The following DCC variants were observed in gnomAD, a reference collection of about 807,000 sequenced individuals.
DCC encodes netrin receptor DCC.
DCC carries 58 observed loss-of-function variants against 172.5 expected under a neutral mutation model. That is an observed-to-expected ratio of 0.34 (90% CI 0.27 to 0.42). DCC has a LOEUF of 0.42. Ranked by LOEUF, DCC falls within the 10% of genes least tolerant of loss-of-function variation. The probability of loss-of-function intolerance (pLI) is 1.00; values close to 1 mark genes in which losing one functional copy is unlikely to be tolerated. For missense variants in DCC, 1,740 were observed against 1,791.0 expected, an observed-to-expected ratio of 0.97 and a Z score of 0.51; for synonymous variants, 709 against 644.5, an observed-to-expected ratio of 1.10 and a Z score of -1.52.
intron 2 of DCC, among the ~76,000 whole-genome samples, chr18:52,775,276 A>G (rs1363896798): frequency 1.3e-5 from 2 of 152,098 alleles, no homozygotes; most frequent in Non-Finnish European, 2.9e-5. Flanking sequence ...TTCCAACCCC[A>G]TGGCAGTGTC....
chr18:52,775,914 A>G lies in DCC; in HGVS notation c.412+23540A>G, dbSNP rs367764843. Among the ~76,000 whole-genome samples the G allele has an allele frequency of 3.3e-3, 502 of 152,242 alleles. 32 individuals are homozygous for G. In the South Asian group the frequency reaches 0.1, roughly 31 times the overall value. On this transcript the variant is annotated intron_variant, in intron 2 of 28. Coordinates refer to ENST00000442544, the MANE Select transcript of DCC (RefSeq NM_005215.4). ...AGGGACCTGCCTTTCTCTACCCGGC[A>G]CTTCCCTGCCCCCTTCATTTAAAGG...
rs1357704456 is a variant in DCC at position 53,518,531 on chromosome 18, A to G, written c.4112-8086A>G. Among the ~76,000 whole-genome samples, 4 of 152,266 alleles carry G rather than the reference A, an allele frequency of 2.6e-5. No individual in the cohort carries two copies. The East Asian group carries it at 7.7e-4, about 29-fold the overall frequency. ...AAATGTTTAATAACTGTACTGTGAA[A>G]ATGAAGCTTAAAACAGTAAATTCCT... On this transcript the variant is annotated intron_variant, in intron 27 of 28. Transcript: ENST00000442544.
intron 5 of DCC, among the ~76,000 whole-genome samples, chr18:52,980,180 G>C (rs929017491): frequency 1.3e-5 from 2 of 152,174 alleles, no homozygotes; most frequent in African/African-American, 2.4e-5. Flanking sequence ...TGAAGGATGA[G>C]CTCTTACTCA....
intron 2 of DCC, among the ~76,000 whole-genome samples, chr18:52,858,855 T>C (rs2039092042): frequency 6.6e-6 from 1 of 152,218 alleles, no homozygotes; most frequent in African/African-American, 2.4e-5. Context: ...TTTGCTTGCT[T>C]TTCTGGAGTT....
At chr18:52,916,742 T>C (rs920605171) in intron 3 of DCC, among the ~76,000 whole-genome samples, 54 of 152,294 alleles carry the variant, frequency 3.5e-4, no homozygotes, top group Admixed American at 1.2e-3. Flanking sequence ...TCTACAATTA[T>C]GTGAAAAGGC....
At chr18:52,813,091 A>G (rs1269692726) in intron 2 of DCC, among the ~76,000 whole-genome samples, 2 of 152,220 alleles carry the variant, frequency 1.3e-5, no homozygotes, top group Non-Finnish European at 2.9e-5. Flanking sequence ...AAATAAAATG[A>G]TGTGAACTTT....
intron 5 of DCC, among the ~76,000 whole-genome samples, chr18:52,993,873 C>G (rs1370604651): frequency 6.6e-6 from 1 of 151,752 alleles, no homozygotes; most frequent in Non-Finnish European, 1.5e-5. Context: ...CTCTCTCTCT[C>G]TGTAATGTGG....
At chr18:52,761,086 G>A (rs995328749) in intron 2 of DCC, among the ~76,000 whole-genome samples, 1 of 152,172 alleles carries the variant, frequency 6.6e-6, no homozygotes, top group African/African-American at 2.4e-5. Context: ...CAGAGACTGG[G>A]AAGAAAAAGA....
chr18:52,942,980 G>A (rs1568201920), intron 5 of DCC, among the ~76,000 whole-genome samples: 1 of 152,088 alleles, frequency 6.6e-6, no homozygotes, highest in Non-Finnish European at 1.5e-5. Context: ...TAATTTAATG[G>A]TAGATATAAA....
intron 5 of DCC, among the ~76,000 whole-genome samples, chr18:52,928,473 T>C (rs2040253331): frequency 6.6e-6 from 1 of 152,156 alleles, no homozygotes; most frequent in Non-Finnish European, 1.5e-5. Flanking sequence ...ATTAACGTAA[T>C]ATAATACAGT....
chr18:53,218,816 ATTC>A (rs1213544401), intron 12 of DCC, among the ~76,000 whole-genome samples: 4 of 152,180 alleles, frequency 2.6e-5, no homozygotes, highest in Non-Finnish European at 5.9e-5. Flanking sequence ...TTCAATTATT[ATTC>A]AATTATTATT....
chr18:52,806,869 A>C (rs1296507304), intron 2 of DCC, among the ~76,000 whole-genome samples: 1 of 152,140 alleles, frequency 6.6e-6, no homozygotes, highest in African/African-American at 2.4e-5. Flanking sequence ...ATGAGGGGGA[A>C]CTTTTGACCT....
rs934013423 is a variant in DCC at position 52,340,965 on chromosome 18, G to A, written c.91+87G>A. ...TTCATTTGGCGAGTAGTAGAATTGG[G>A]GTGGGGGATAGCAAGAGATTTGGCG... On this transcript the variant is annotated intron_variant, in intron 1 of 28. Transcript: ENST00000442544. 1.1e-5 allele frequency: 12 copies of A among 1,059,920 alleles called. No individual in the cohort carries two copies. The African/African-American group carries it at 1.6e-4, about 14-fold the overall frequency. The allele number at this position is 1,059,920 out of a possible 1,614,324, so 65.7% of individuals were successfully genotyped here.
At chr18:53,153,580 T>C (rs888180200) in intron 7 of DCC, among the ~76,000 whole-genome samples, 3 of 152,228 alleles carry the variant, frequency 2.0e-5, no homozygotes, top group African/African-American at 7.2e-5. Context: ...CTTGCATTAT[T>C]TGTCAAGTTG....
At chr18:53,343,142 ATC>A (rs1221303793) in intron 15 of DCC, among the ~76,000 whole-genome samples, 1 of 151,728 alleles carries the variant, frequency 6.6e-6, no homozygotes, top group Non-Finnish European at 1.5e-5. Context: ...TTAGTTTCTG[ATC>A]TCTGTCCCTT....
chr18:53,535,880 A>G lies in DCC; in HGVS notation c.*5227A>G, dbSNP rs754160828. The G allele has an allele frequency of 2.6e-5, 4 of 152,178 alleles. No individual in the cohort carries two copies. Among genetic ancestry groups the G allele is most frequent in the Non-Finnish European group, 5.9e-5 (4 of 68,040 alleles). The allele number at this position is 152,178 out of a possible 1,614,324, so 9.4% of individuals were successfully genotyped here. A position where few individuals can be genotyped will look rare whatever the true frequency, so the allele number is the denominator to read the frequency against. ...TCCAATGGTGCATTTTTTGTTTAATAAATAAAGTTTTGATACAAAGTTCTT... is the reference window on the plus strand; with the variant it reads ...TCCAATGGTGCATTTTTTGTTTAATGAATAAAGTTTTGATACAAAGTTCTT... On this transcript the variant is annotated 3_prime_UTR_variant, in exon 29 of 29. Coordinates refer to ENST00000442544, the MANE Select transcript of DCC (RefSeq NM_005215.4).
At chr18:52,643,028 T>C (rs906437140) in intron 1 of DCC, among the ~76,000 whole-genome samples, 4 of 152,214 alleles carry the variant, frequency 2.6e-5, no homozygotes, top group African/African-American at 9.6e-5. Flanking sequence ...AGTCAGAAAT[T>C]GAAAATGGCC....
chr18:53,145,138 C>T lies in DCC; in HGVS notation c.1262-12218C>T, dbSNP rs555524413. On this transcript the variant is annotated intron_variant, in intron 7 of 28. Coordinates refer to ENST00000442544, the MANE Select transcript of DCC (RefSeq NM_005215.4). ...TTTTTTTTTTTTTTTTTTTTGAGAC[C>T]GACTCTTGCTCTGTTGCCCAGGCTG... Among the ~76,000 whole-genome samples the T allele has an allele frequency of 4.2e-5, 4 of 94,460 alleles. No individual in the cohort carries two copies. In the Admixed American group the frequency reaches 5.5e-4, roughly 13 times the overall value. 62.0% of individuals were successfully genotyped at this position (94,460 alleles called of 152,430 possible).
At chr18:52,929,883 A>G (rs1157904591) in intron 5 of DCC, among the ~76,000 whole-genome samples, 2 of 150,302 alleles carry the variant, frequency 1.3e-5, no homozygotes, top group East Asian at 1.9e-4. Flanking sequence ...TTTTCTCCAT[A>G]TAAGTGAAAT....
Sources: allele counts gnomAD v4.1 joint callset (sites outside exome capture counted in the v4.1 genomes callset), GRCh38; gene constraint gnomAD v4.1.1; transcripts MANE v1.5; gene names NCBI Gene and HGNC (gene_info 2026-07-23, HGNC 2026-07-21).